LVRN: variants seen among roughly 807,000 people sequenced by gnomAD.
LVRN encodes the protein laeverin.
LVRN carries 99 observed loss-of-function variants against 111.4 expected under a neutral mutation model. That is an observed-to-expected ratio of 0.89 (90% confidence interval 0.76 to 1.05). The LOEUF (loss-of-function observed/expected upper bound fraction) is 1.05. LVRN is among the 50% of genes least tolerant of loss of function. The pLI is 0.00. For synonymous variants in LVRN, 488 were observed against 449.5 expected, an observed-to-expected ratio of 1.09 and a Z score of -1.08; for missense variants, 1,414 against 1,206.8, an observed-to-expected ratio of 1.17 and a Z score of -2.54.
chr5:115,963,546 G>A (rs187678019), intron 1 of LVRN, among the ~76,000 whole-genome samples: 26 of 152,272 alleles, frequency 1.7e-4, no homozygotes, highest in Non-Finnish European at 3.4e-4. Flanking sequence ...CCATATTGGT[G>A]TGCTGCACCC....
At position 115,977,724 on chromosome 5, in the gene LVRN, G is replaced by A. The variant is rs189322729; in HGVS notation, c.696-5563G>A. Among the ~76,000 whole-genome samples, 16 of 152,230 alleles carry A rather than the reference G, an allele frequency of 1.1e-4. No individual in the cohort carries two copies. The East Asian group carries it at 1.4e-3, about 13-fold the overall frequency. ...TGGTACCACTGTGCACTTGCTGGTC[G>A]TCTAATCAGTTGCATAAACTCCTGG... On this transcript the variant is annotated intron_variant, in intron 1 of 19. Transcript: ENST00000357872.
Position 116,015,273 on chromosome 5 carries a change from T to C in LVRN, c.2472T>C (p.Asp824=). 1 of 1,601,926 alleles carries C rather than the reference T, an allele frequency of 6.2e-7. No homozygotes were observed. The highest frequency in any genetic ancestry group is 1.1e-5 in the South Asian group (1 of 88,178). ...PENEIPYPIK[D]VVLCYGIALG... is the part of the protein sequence containing the mutation. Reference sequence around the variant, plus strand: ...ACAGAATACCTTATCCAATTAAAGATGTGGTTTTATGTTATGGCATTGCCT... The same window carrying C: ...ACAGAATACCTTATCCAATTAAAGACGTGGTTTTATGTTATGGCATTGCCT... The change falls in exon 17 of 20, where the codon GAT becomes GAC. Residue 824 remains aspartate, a synonymous_variant. Coordinates refer to ENST00000357872, the MANE Select transcript of LVRN (RefSeq NM_173800.5).
At chr5:115,981,344 A>G (rs1421756487) in intron 1 of LVRN, among the ~76,000 whole-genome samples, 2 of 152,136 alleles carry the variant, frequency 1.3e-5, no homozygotes, top group African/African-American at 2.4e-5. Context: ...AAGATACATA[A>G]CCTCTCATTT....
intron 1 of LVRN, chr5:115,974,850 A>G: frequency 2.8e-6 from 1 of 354,150 alleles, no homozygotes; most frequent in South Asian, 3.0e-5. Context: ...TTATTTTAAC[A>G]TTCTCTAATG....
At chr5:115,971,566 G>C (rs1051527059) in intron 1 of LVRN, among the ~76,000 whole-genome samples, 2 of 152,096 alleles carry the variant, frequency 1.3e-5, no homozygotes, top group Non-Finnish European at 2.9e-5. Flanking sequence ...ATTTGTTAAA[G>C]AGTCTATGCT....
intron 12 of LVRN, 49 bp downstream of exon 12, chr5:116,003,429 C>A (rs1259208033): frequency 2.5e-6 from 3 of 1,198,350 alleles, no homozygotes; most frequent in Non-Finnish European, 3.4e-6. Context: ...ATAATGCCTT[C>A]TCTAGTGTTT....
intron 11 of LVRN, 38 bp downstream of exon 11, chr5:116,002,949 C>A: frequency 7.1e-7 from 1 of 1,409,110 alleles, no homozygotes; most frequent in Non-Finnish European, 9.9e-7. Flanking sequence ...TATATATATG[C>A]ATATGTAAAG....
chr5:115,995,718 A>C (rs56321985), intron 6 of LVRN, among the ~76,000 whole-genome samples: 1 of 152,068 alleles, frequency 6.6e-6, no homozygotes, highest in Non-Finnish European at 1.5e-5. Flanking sequence ...CACATACATC[A>C]TCTTACTCAG....
At chr5:115,982,403 T>C (rs1288119015) in intron 1 of LVRN, among the ~76,000 whole-genome samples, 1 of 152,176 alleles carries the variant, frequency 6.6e-6, no homozygotes, top group Non-Finnish European at 1.5e-5. Flanking sequence ...ATCAGAGACT[T>C]TAAGTCTCAG....
At chr5:115,998,908 AT>A (rs1356029064) in intron 6 of LVRN, among the ~76,000 whole-genome samples, 1 of 152,182 alleles carries the variant, frequency 6.6e-6, no homozygotes, top group Non-Finnish European at 1.5e-5. Context: ...ATAGAAAGGG[AT>A]TGATGAGAAC....
Position 115,972,860 on chromosome 5 carries a change from A to T in LVRN, c.695+9548A>T, listed in dbSNP as rs150398486. Reference sequence around the variant, plus strand: ...GTATTCTGCATCTTTTGAGATGATTATATAGTTTTTATTATTTAATTTGTT... The same window carrying T: ...GTATTCTGCATCTTTTGAGATGATTTTATAGTTTTTATTATTTAATTTGTT... On this transcript the variant is annotated intron_variant, in intron 1 of 19. Transcript: ENST00000357872. 3.7e-3 allele frequency among the ~76,000 whole-genome samples: 569 copies of T among 152,134 alleles called. 6 individuals carry two copies. The highest frequency in any genetic ancestry group is 0.013 in the African/African-American group (549 of 41,516).
intron 1 of LVRN, among the ~76,000 whole-genome samples, chr5:115,981,596 C>T (rs1017564472): frequency 2.6e-5 from 4 of 151,954 alleles, no homozygotes; most frequent in Admixed American, 6.6e-5. Context: ...CTAATTATAC[C>T]CTAGTTATTT....
chr5:115,970,982 A>G (rs964429476), intron 1 of LVRN, among the ~76,000 whole-genome samples: 1 of 152,200 alleles, frequency 6.6e-6, no homozygotes, highest in Non-Finnish European at 1.5e-5. Context: ...TTATCAACGT[A>G]TGGCAGAATT....
chr5:115,989,044 C>T (rs1360546349), intron 4 of LVRN, among the ~76,000 whole-genome samples: 1 of 152,112 alleles, frequency 6.6e-6, no homozygotes, highest in Non-Finnish European at 1.5e-5. Context: ...CCCCCTAGTT[C>T]TCCCTAGTTT....
intron 15 of LVRN, 61 bp from the exon 16 acceptor site, chr5:116,014,359 G>A: frequency 8.9e-7 from 1 of 1,125,630 alleles, no homozygotes; most frequent in Non-Finnish European, 1.3e-6. Flanking sequence ...TATTCTTGGA[G>A]GCAGAGAAAA....
intron 1 of LVRN, among the ~76,000 whole-genome samples, chr5:115,973,300 A>T (rs185297637): frequency 3.3e-5 from 5 of 152,238 alleles, no homozygotes; most frequent in Middle Eastern, 3.4e-3. Context: ...ATTAGATTTG[A>T]TTTGCTCAAA....
intron 4 of LVRN, among the ~76,000 whole-genome samples, chr5:115,991,896 T>A (rs1275340303): frequency 2.6e-5 from 4 of 152,226 alleles, no homozygotes; most frequent in African/African-American, 9.6e-5. Context: ...CTTTGTGTAT[T>A]TGAATACAAG....
chr5:116,001,072 A>G lies in LVRN; in HGVS notation c.1653A>G (p.Ile551Met), dbSNP rs768596719. 6.2e-7 allele frequency: 1 copy of G among 1,600,668 alleles called. No homozygotes were observed. Among genetic ancestry groups the G allele is most frequent in the African/African-American group, 1.4e-5 (1 of 73,792 alleles). Residue 551 changes from isoleucine to methionine, a missense_variant, in exon 10 of 20, where the codon ATA (isoleucine) becomes ATG (methionine). Physicochemically the swap from Ile to Met is conservative, Grantham distance 10 (BLOSUM62 1). Coordinates refer to ENST00000357872, the MANE Select transcript of LVRN (RefSeq NM_173800.5). ...DDLWRHFQMA[I>M]DDQSTVILPA... is the part of the protein sequence containing the mutation. Reference sequence around the variant, plus strand: ...GTGGTGATTTTTTAAAACAGGCCATAGATGACCAGAGTACAGTTATTTTGC... The same window carrying G: ...GTGGTGATTTTTTAAAACAGGCCATGGATGACCAGAGTACAGTTATTTTGC...
Position 115,962,622 on chromosome 5 carries a change from G to A in LVRN, c.5G>A (p.Gly2Glu). Residue 2 changes from glycine (G) to glutamate (E), a missense_variant, in exon 1 of 20, where the codon GGG (glycine) becomes GAG (glutamate). Physicochemically the swap from Gly to Glu is moderately conservative, Grantham distance 98 (BLOSUM62 -2). Coordinates refer to ENST00000357872, the MANE Select transcript of LVRN (RefSeq NM_173800.5). M[G>E]PPSSSGFYVS... ...CGCCTGAACCCGGTCCCTGCCATGG[G>A]GCCCCCTTCCAGCTCAGGCTTCTAT... is the stretch of plus-strand genomic sequence containing the variant. 6.3e-7 allele frequency: 1 copy of A among 1,593,468 alleles called. No individual in the cohort carries two copies. The highest frequency in any genetic ancestry group is 8.5e-7 in the Non-Finnish European group (1 of 1,171,330).
Sources: gnomAD v4.1 joint callset for allele counts (sites outside exome capture counted in the v4.1 genomes callset) on GRCh38, gnomAD v4.1.1 for gene constraint, MANE v1.5 for transcripts, NCBI Gene and HGNC (gene_info 2026-07-23, HGNC 2026-07-21) for gene names.